Variants in RIPOR2 observed in about 807,000 individuals in gnomAD.
The protein encoded by RIPOR2 is RHO family interacting cell polarization regulator 2, also known as rho family-interacting cell polarization regulator 2.
A neutral mutation model predicts 114.5 loss-of-function variants in RIPOR2; 39 were observed. The observed-to-expected ratio is 0.34, with a 90% CI of 0.26 to 0.44. The LOEUF (loss-of-function observed/expected upper bound fraction) is 0.44. Among genes scored for constraint, RIPOR2 ranks in the 20% least tolerant of loss-of-function variants. RIPOR2 has a pLI of 1.00. For synonymous variants in RIPOR2, 445 were observed against 484.4 expected (o/e 0.92, Z 1.07); for missense variants, 1,007 against 1,255.1 (o/e 0.80, Z 2.99).
chr6:24,848,136 G>A lies in RIPOR2; in HGVS notation c.1053C>T (p.Asp351=). Residue 351 remains aspartate (D), a synonymous_variant, in exon 12 of 22, where the codon GAC becomes GAT. Transcript: ENST00000643898. Reference sequence around the variant, plus strand: ...TCCCAGCGCCTGAGGATGCGGTCATGTCCTCCACGTCAAATGGACTGCAAA... The same window carrying A: ...TCCCAGCGCCTGAGGATGCGGTCATATCCTCCACGTCAAATGGACTGCAAA... ...EITWYPFDVE[D]MTASSGAGNK... is the part of the protein sequence containing the mutation. 1 of 1,613,504 alleles carries A rather than the reference G, an allele frequency of 6.2e-7. No individual in the cohort carries two copies. The highest frequency in any genetic ancestry group is 8.5e-7 in the Non-Finnish European group (1 of 1,179,732).
Position 24,883,864 on chromosome 6 carries a change from C to G in RIPOR2, c.62-8047G>C, listed in dbSNP as rs1766563138. Among the ~76,000 whole-genome samples, 1 of 152,182 alleles carries G rather than the reference C, an allele frequency of 6.6e-6. No individual in the cohort carries two copies. On this transcript the variant is annotated intron_variant, in intron 1 of 21. Coordinates refer to ENST00000643898, the MANE Select transcript of RIPOR2 (RefSeq NM_001286445.3). The surrounding 1 kb of genome is among the most constrained non-coding windows in gnomAD (Gnocchi z 4.1). ...GGTTCTTCCTTTCTTTTTCCCCTAACAATGCCATCCTGTTTATGCTCCCCC... is the reference window on the plus strand; with the variant it reads ...GGTTCTTCCTTTCTTTTTCCCCTAAGAATGCCATCCTGTTTATGCTCCCCC...
chr6:24,993,108 T>C (rs1308470914), intron 1 of RIPOR2, among the ~76,000 whole-genome samples: 1 of 152,250 alleles, frequency 6.6e-6, no homozygotes, highest in East Asian at 1.9e-4. Flanking sequence ...CATTTCTAAT[T>C]GTGTTTATTT....
At position 24,873,764 on chromosome 6, in the gene RIPOR2, T is replaced by G. The variant is rs772021922; in HGVS notation, c.224A>C (p.Lys75Thr). 6.2e-7 allele frequency: 1 copy of G among 1,612,802 alleles called. No individual in the cohort carries two copies. The highest frequency in any genetic ancestry group is 8.5e-7 in the Non-Finnish European group (1 of 1,179,612). ...TTTCTTCAGTTTGGCCTGAGGCTTC[T>G]TGAGAGCGGAGGAATTTTCAATGAA... Reference protein sequence around the residue: ...NSFIENSSALKKPQAKLKKMH... With the variant: ...NSFIENSSALTKPQAKLKKMH... Residue 75 changes from lysine (K) to threonine (T), a missense_variant, in exon 3 of 22, where the codon AAG becomes ACG. Physicochemically the swap from Lys to Thr is moderately conservative, Grantham distance 78 (BLOSUM62 -1). Coordinates refer to ENST00000643898, the MANE Select transcript of RIPOR2 (RefSeq NM_001286445.3).
chr6:25,039,255 C>T (rs913286173), intron 1 of RIPOR2, among the ~76,000 whole-genome samples: 1 of 152,192 alleles, frequency 6.6e-6, no homozygotes, highest in Non-Finnish European at 1.5e-5. Context: ...AAGCGTCCTT[C>T]CCTCGCAGGT....
chr6:24,929,752 T>C (rs926057342), intron 1 of RIPOR2, among the ~76,000 whole-genome samples: 1 of 152,174 alleles, frequency 6.6e-6, no homozygotes, highest in African/African-American at 2.4e-5. Flanking sequence ...AGAAGTTGAA[T>C]AAACTGACAT....
At chr6:25,003,313 G>A (rs2113654108) in intron 1 of RIPOR2, among the ~76,000 whole-genome samples, 1 of 151,788 alleles carries the variant, frequency 6.6e-6, no homozygotes, top group East Asian at 1.9e-4. Flanking sequence ...GGTATCTCAA[G>A]ATTTATTTTT....
intron 1 of RIPOR2, among the ~76,000 whole-genome samples, chr6:24,903,436 G>A (rs1385396955): frequency 3.3e-5 from 5 of 151,954 alleles, no homozygotes; most frequent in Non-Finnish European, 5.9e-5. Context: ...ATTACTGAGG[G>A]CATCTTTGGA....
intron 8 of RIPOR2, among the ~76,000 whole-genome samples, chr6:24,859,124 T>TG (rs1473327326): frequency 4.6e-5 from 7 of 152,332 alleles, no homozygotes; most frequent in African/African-American, 1.7e-4. Flanking sequence ...GTGTGACTCC[T>TG]GGGACAAGTC....
chr6:24,852,518 ACTGGCCC>A, intron 9 of RIPOR2, 50 bp downstream of exon 9: 9 of 1,284,134 alleles, frequency 7.0e-6, no homozygotes, highest in Middle Eastern at 1.8e-4. Context: ...TGACATGACA[ACTGGCCC>A]CTACCCTTCA....
intron 1 of RIPOR2, among the ~76,000 whole-genome samples, chr6:24,900,465 T>C (rs1768322649): frequency 6.6e-6 from 1 of 152,220 alleles, no homozygotes; most frequent in African/African-American, 2.4e-5. Context: ...TGTTTCATTG[T>C]ATGAGAAGCT....
intron 1 of RIPOR2, among the ~76,000 whole-genome samples, chr6:24,966,835 A>T (rs1313730565): frequency 6.6e-6 from 1 of 152,202 alleles, no homozygotes; most frequent in African/African-American, 2.4e-5. Flanking sequence ...TTAAATATAT[A>T]TTTATGCTAT....
intron 1 of RIPOR2, among the ~76,000 whole-genome samples, chr6:24,955,903 G>A (rs377244568): frequency 2.8e-4 from 43 of 151,452 alleles, no homozygotes; most frequent in South Asian, 2.5e-3. Context: ...CAGCTACTTG[G>A]GAGGCTGAGG....
chr6:24,823,160 C>T (rs1207380720), intron 19 of RIPOR2, among the ~76,000 whole-genome samples: 1 of 152,146 alleles, frequency 6.6e-6, no homozygotes, highest in Non-Finnish European at 1.5e-5. Context: ...AAGCAAGGTT[C>T]CGGGTTTACA....
intron 1 of RIPOR2, among the ~76,000 whole-genome samples, chr6:25,004,986 TACAC>T (rs58120451): frequency 0.064 from 9,356 of 146,344 alleles, 405 homozygotes; most frequent in African/African-American, 0.12. Flanking sequence ...TCAAATAGGC[TACAC>T]ACACACACAC....
At chr6:24,871,252 A>T (rs1267648815) in intron 4 of RIPOR2, among the ~76,000 whole-genome samples, 1 of 152,248 alleles carries the variant, frequency 6.6e-6, no homozygotes, top group African/African-American at 2.4e-5. Flanking sequence ...TCATTAAAAA[A>T]AATTTAAAAT....
chr6:24,970,769 T>A (rs442420), intron 1 of RIPOR2, among the ~76,000 whole-genome samples: 147,571 of 152,294 alleles, frequency 0.97, 71,511 homozygotes, highest in East Asian at 1. Flanking sequence ...AAGGCAAAAT[T>A]AAAAAGTGAG....
chr6:25,008,469 T>C (rs531112258), intron 1 of RIPOR2, among the ~76,000 whole-genome samples: 2 of 152,336 alleles, frequency 1.3e-5, no homozygotes, highest in Admixed American at 1.3e-4. Context: ...AAGGTGGCTC[T>C]AGAAGCTGGA....
At chr6:24,844,228 C>T (rs1762031724) in intron 12 of RIPOR2, among the ~76,000 whole-genome samples, 1 of 152,156 alleles carries the variant, frequency 6.6e-6, no homozygotes, top group Non-Finnish European at 1.5e-5. Context: ...CTAGAAACAC[C>T]AAGTCATCTG....
chr6:24,881,430 G>A (rs1045491759), intron 1 of RIPOR2, among the ~76,000 whole-genome samples: 4 of 152,126 alleles, frequency 2.6e-5, no homozygotes, highest in Non-Finnish European at 2.9e-5. Flanking sequence ...GTTGCCACCC[G>A]TGCCCTGCCA....
Sources: allele counts gnomAD v4.1 joint callset (sites outside exome capture counted in the v4.1 genomes callset), GRCh38; gene constraint gnomAD v4.1.1; non-coding constraint Gnocchi (gnomAD v3.1); transcripts MANE v1.5; gene names NCBI Gene and HGNC (gene_info 2026-07-23, HGNC 2026-07-21).